The following ACAN variants were observed in gnomAD, a reference collection of about 807,000 sequenced individuals.
ACAN encodes aggrecan core protein.
Under a neutral mutation model 169.1 loss-of-function variants are expected in ACAN, and 47 were observed. The observed-to-expected ratio is 0.28, with a 90% CI of 0.22 to 0.35. The LOEUF is 0.35. ACAN is among the 10% of genes least tolerant of loss of function. The pLI is 1.00. For missense variants in ACAN, 2,716 were observed against 2,759.9 expected (o/e 0.98, Z 0.36); for synonymous variants, 1,115 against 1,112.2 (o/e 1.00, Z -0.05).
Position 88,838,893 on chromosome 15 carries a change from C to A in ACAN, c.301C>A (p.Gln101Lys). The change falls in exon 3 of 19, where the codon CAG (glutamine) becomes AAG (lysine). Residue 101 changes from glutamine to lysine, a missense_variant. This residue lies in a region of ACAN where 1,283 missense variants were observed against 1,281.5 expected (regional missense o/e 1.00). Coordinates refer to ENST00000560601, the MANE Select transcript of ACAN (RefSeq NM_001369268.1). The surrounding 1 kb of genome is among the most constrained non-coding windows in gnomAD (Gnocchi z 5.1). ...EGRVRVNSAY[Q>K]DKVSLPNYPA... ...GCGCGTGCGGGTCAACAGTGCCTAT[C>A]AGGACAAGGTCTCACTGCCCAACTA... The A allele has an allele frequency of 6.2e-7, 1 of 1,614,042 alleles. No individual in the cohort carries two copies. The highest frequency in any genetic ancestry group is 8.5e-7 in the Non-Finnish European group (1 of 1,179,896).
chr15:88,837,002 C>T (rs1262846703), intron 2 of ACAN, among the ~76,000 whole-genome samples: 1 of 152,218 alleles, frequency 6.6e-6, no homozygotes, highest in African/African-American at 2.4e-5. Context: ...TGTGTCTGCC[C>T]AAATCTGCAC....
In ACAN at chr15:88,857,617, C is replaced by G; in HGVS notation, c.5032C>G (p.Leu1678Val). The G allele has an allele frequency of 6.2e-7, 1 of 1,613,970 alleles. No individual in the cohort carries two copies. Among genetic ancestry groups the G allele is most frequent in the Non-Finnish European group, 8.5e-7 (1 of 1,179,902 alleles). ...EVVTASTASE[L>V]EGRGTIGISG... ...GGTCACAGCCTCCACTGCAAGTGAACTGGAAGGGAGGGGAACCATTGGCAT... is the reference window on the plus strand; with the variant it reads ...GGTCACAGCCTCCACTGCAAGTGAAGTGGAAGGGAGGGGAACCATTGGCAT... The change falls in exon 12 of 19, where the codon CTG becomes GTG. Residue 1678 changes from leucine to valine, a missense_variant. Physicochemically the swap from Leu to Val is conservative, Grantham distance 32. This residue lies in a region of ACAN where 1,389 missense variants were observed against 1,363.7 expected (regional missense o/e 1.02). Coordinates refer to ENST00000560601, the MANE Select transcript of ACAN (RefSeq NM_001369268.1).
Position 88,871,399 on chromosome 15 carries a change from G to C in ACAN, c.7078G>C (p.Glu2360Gln). 6.2e-7 allele frequency: 1 copy of C among 1,613,888 alleles called. No homozygotes were observed. The highest frequency in any genetic ancestry group is 2.2e-5 in the East Asian group (1 of 44,888). ...LCEIDQEVCEEGWNKYQGHCY... is the reference protein window; with the variant it reads ...LCEIDQEVCEQGWNKYQGHCY... ...TGTTGCAGACCAGGAGGTATGTGAG[G>C]AGGGCTGGAACAAGTACCAGGGCCA... The change falls in exon 15 of 19, where the codon GAG (glutamate) becomes CAG (glutamine). Residue 2360 changes from glutamate (E) to glutamine (Q), a missense_variant. By Grantham distance (29) the Glu-to-Gln change is conservative. Transcript: ENST00000560601. The surrounding 1 kb of genome is among the most constrained non-coding windows in gnomAD (Gnocchi z 7.8).
intron 8 of ACAN, 148 bp downstream of exon 8, chr15:88,847,565 A>C: frequency 1.0e-6 from 1 of 977,000 alleles, no homozygotes; most frequent in Non-Finnish European, 1.5e-6. Flanking sequence ...CATATCCCGA[A>C]AGGGTGGTGA....
In ACAN at chr15:88,845,817, C is replaced by T. The variant is rs1896780861; in HGVS notation, c.1364C>T (p.Ala455Val). The part of the protein sequence containing the change: ...FPTPGLGPAT[A>V]FTSEDLVVQV... ...ACACCTGGCCTGGGCCCTGCCACGG[C>T]ATTCACCAGTGAGGACCTCGTCGTG... The change falls in exon 7 of 19, where the codon GCA becomes GTA. Residue 455 changes from alanine to valine, a missense_variant. Coordinates refer to ENST00000560601, the MANE Select transcript of ACAN (RefSeq NM_001369268.1). 2.6e-6 allele frequency: 4 copies of T among 1,542,732 alleles called. No individual in the cohort carries two copies. The highest frequency in any genetic ancestry group is 3.9e-5 in the Admixed American group (2 of 51,028).
intron 1 of ACAN, among the ~76,000 whole-genome samples, chr15:88,829,417 C>T (rs1049585887): frequency 5.9e-5 from 9 of 152,132 alleles, no homozygotes; most frequent in Non-Finnish European, 8.8e-5. Context: ...TACCATCCCA[C>T]CACGTCTGTT....
At chr15:88,850,016 A>G (rs2141592447) in intron 10 of ACAN, 1 of 602,246 alleles carries the variant, frequency 1.7e-6, no homozygotes, top group Non-Finnish European at 3.0e-6. Context: ...TGGCTCTGCT[A>G]CTTAATAGCT....
rs540693309 is a variant in ACAN, at chr15:88,859,421, T to C, written c.6832+4T>C. 2 of 1,552,894 alleles carry C rather than the reference T, an allele frequency of 1.3e-6. No homozygotes were observed. The highest frequency in any genetic ancestry group is 4.9e-5 in the East Asian group (2 of 40,968). On this transcript the variant is annotated splice_donor_region_variant and intron_variant, in intron 12 of 18. Coordinates refer to ENST00000560601, the MANE Select transcript of ACAN (RefSeq NM_001369268.1). ...GAATCAGAATCAACTGCTGCAGGTATTGTGATTTTTTCCCCCTTTAAATGT... is the reference window on the plus strand; with the variant it reads ...GAATCAGAATCAACTGCTGCAGGTACTGTGATTTTTTCCCCCTTTAAATGT...
In ACAN at chr15:88,859,342, A is replaced by T; in HGVS notation, c.6757A>T (p.Thr2253Ser). 7 of 1,602,484 alleles carry T rather than the reference A, an allele frequency of 4.4e-6. No homozygotes were observed. Among genetic ancestry groups the T allele is most frequent in the Non-Finnish European group, 5.1e-6 (6 of 1,174,396 alleles). The change falls in exon 12 of 19, where the codon ACA becomes TCA. Residue 2253 changes from threonine (T) to serine (S), a missense_variant. Around this residue, in one of 3 missense-constraint regions of ACAN, gnomAD observed 1,389 missense variants for 1,363.7 expected, o/e 1.02. Transcript: ENST00000560601. The stretch of plus-strand genomic sequence containing the variant: ...AGGAGAAGAGACTCACACAGTCGAA[A>T]CAGCCACCTCCCCAACAGATGCTTC... The part of the protein sequence containing the change: ...YSGEETHTVE[T>S]ATSPTDASIP...
chr15:88,813,225 G>C (rs1019092235), intron 1 of ACAN, among the ~76,000 whole-genome samples: 1 of 152,242 alleles, frequency 6.6e-6, no homozygotes, highest in Non-Finnish European at 1.5e-5. Context: ...CCATGCTTCA[G>C]AGTCCGCGGG....
chr15:88,847,676 G>T (rs1413843697), intron 8 of ACAN, among the ~76,000 whole-genome samples: 1 of 152,180 alleles, frequency 6.6e-6, no homozygotes, highest in Admixed American at 6.5e-5. Context: ...CTGACCCAGT[G>T]CCCTTCCATG....
In ACAN at chr15:88,874,623, A is replaced by G; in HGVS notation, c.*142A>G. The G allele has an allele frequency of 1.2e-6, 1 of 823,762 alleles. No individual in the cohort carries two copies. The allele number at this position is 823,762 out of a possible 1,614,324, so 51.0% of individuals were successfully genotyped here. On this transcript the variant is annotated 3_prime_UTR_variant, in exon 19 of 19. Transcript: ENST00000560601. The surrounding 1 kb of genome is among the most constrained non-coding windows in gnomAD (Gnocchi z 7.3). ...AAAGAAGGAAAAAAATAAATCCCAC[A>G]TTTGTGTATGCACCCACTCACCCCT...
In ACAN at chr15:88,871,622, T is replaced by A; in HGVS notation, c.7219+82T>A. ...CCTCACCTTTCAGAAGGCAGCAGATTTGGGCCTCGTGAGACTGCAGGACAG... is the reference window on the plus strand; with the variant it reads ...CCTCACCTTTCAGAAGGCAGCAGATATGGGCCTCGTGAGACTGCAGGACAG... On this transcript the variant is annotated intron_variant, in intron 15 of 18. Transcript: ENST00000560601. This position sits in a 1 kb window ranked among gnomAD's most constrained non-coding sequence, Gnocchi z 7.8. 3 of 1,495,684 alleles carry A rather than the reference T, an allele frequency of 2.0e-6. No individual in the cohort carries two copies. The highest frequency in any genetic ancestry group is 2.6e-5 in the South Asian group (2 of 76,236). 92.7% of individuals were successfully genotyped at this position (1,495,684 alleles called of 1,614,324 possible).
At chr15:88,841,099 C>T (rs546182067) in intron 4 of ACAN, among the ~76,000 whole-genome samples, 16 of 152,280 alleles carry the variant, frequency 1.1e-4, no homozygotes, top group Admixed American at 5.9e-4. Flanking sequence ...GAGCCGAGAT[C>T]GCGCCACTGC....
In ACAN at chr15:88,868,136, C is replaced by A; in HGVS notation, c.6947-80C>A. 1 of 660,056 alleles carries A rather than the reference C, an allele frequency of 1.5e-6. No individual in the cohort carries two copies. The highest frequency in any genetic ancestry group is 2.7e-5 in the East Asian group (1 of 36,822). 40.9% of individuals were successfully genotyped at this position (660,056 alleles called of 1,614,324 possible). A position where few individuals can be genotyped will look rare whatever the true frequency, so the allele number is the denominator to read the frequency against. ...GGGGTCTGGAGAGCAGCAGGACTGG[C>A]CACTCAAAAGGAGGCCACAGTGCTT... On this transcript the variant is annotated intron_variant, in intron 13 of 18. Transcript: ENST00000560601. This position sits in a 1 kb window ranked among gnomAD's most constrained non-coding sequence, Gnocchi z 5.2.
chr15:88,833,420 G>A (rs1225776787), intron 1 of ACAN, among the ~76,000 whole-genome samples: 1 of 151,860 alleles, frequency 6.6e-6, no homozygotes, highest in East Asian at 1.9e-4. Context: ...CCCTTCCTCT[G>A]CCTCACCTAT....
At chr15:88,837,863 T>C (rs1896543426) in intron 2 of ACAN, among the ~76,000 whole-genome samples, 1 of 151,608 alleles carries the variant, frequency 6.6e-6, no homozygotes, top group Non-Finnish European at 1.5e-5. Flanking sequence ...GTTTCATAAA[T>C]GTATGAGTCT....
intron 4 of ACAN, among the ~76,000 whole-genome samples, chr15:88,840,870 C>T (rs147550259): frequency 0.01 from 1,568 of 152,118 alleles, 14 homozygotes; most frequent in Non-Finnish European, 0.015. Context: ...CTCAGCCGGG[C>T]GCAGTGGCTC....
chr15:88,828,125 C>T (rs1331140059), intron 1 of ACAN, among the ~76,000 whole-genome samples: 1 of 152,116 alleles, frequency 6.6e-6, no homozygotes, highest in Non-Finnish European at 1.5e-5. Flanking sequence ...GCGTTTCAGG[C>T]TGGGGGAGGT....
Sources: allele counts gnomAD v4.1 joint callset (sites outside exome capture counted in the v4.1 genomes callset), GRCh38; gene constraint gnomAD v4.1.1; regional missense constraint gnomAD v4.1.1; non-coding constraint Gnocchi (gnomAD v3.1); transcripts MANE v1.5; gene names NCBI Gene and HGNC (gene_info 2026-07-23, HGNC 2026-07-21).